The following DST variants were observed in gnomAD, a reference collection of about 807,000 sequenced individuals.
The protein encoded by DST is dystonin.
A neutral mutation model predicts 875.2 loss-of-function variants in DST; 253 were observed. That is an observed-to-expected ratio of 0.29 (90% CI 0.26 to 0.32). The LOEUF is 0.32. Ranked by LOEUF, DST falls within the 10% of genes least tolerant of loss-of-function variation. The pLI, the probability that DST is intolerant of heterozygous loss-of-function variation, is 1.00. For synonymous variants in DST, 3,124 were observed against 3,197.1 expected (o/e 0.98, Z 0.77); for missense variants, 8,287 against 9,111.6 (o/e 0.91, Z 3.68).
chr6:56,882,077 A>G (rs1336279246), intron 3 of DST, among the ~76,000 whole-genome samples: 1 of 152,210 alleles, frequency 6.6e-6, no homozygotes, highest in East Asian at 1.9e-4. Flanking sequence ...TTTATGCTCA[A>G]TAATGTTTAA....
chr6:56,600,694 A>G (rs2152702269), intron 44 of DST, among the ~76,000 whole-genome samples: 1 of 152,190 alleles, frequency 6.6e-6, no homozygotes, highest in East Asian at 1.9e-4. Context: ...TTTTTACTTA[A>G]TCACTATGTC....
intron 4 of DST, among the ~76,000 whole-genome samples, chr6:56,770,829 C>T (rs147744998): frequency 1.9e-3 from 292 of 152,004 alleles, no homozygotes; most frequent in African/African-American, 6.5e-3. Context: ...GGAGAAACCC[C>T]GTCTCTACTA....
chr6:56,925,073 T>C (rs1213470350), intron 2 of DST, among the ~76,000 whole-genome samples: 1 of 152,228 alleles, frequency 6.6e-6, no homozygotes. Context: ...CTGAGTTCTA[T>C]ATGTGGTCAT....
chr6:56,491,707 C>CG (rs1432985039), intron 85 of DST, among the ~76,000 whole-genome samples: 1 of 152,124 alleles, frequency 6.6e-6, no homozygotes, highest in Non-Finnish European at 1.5e-5. Context: ...GGTCTGTCAA[C>CG]AAGTGTTCAA....
chr6:56,865,934 A>G (rs377547286), intron 3 of DST, among the ~76,000 whole-genome samples: 22 of 152,208 alleles, frequency 1.4e-4, no homozygotes, highest in East Asian at 5.8e-4. Context: ...ATATACATAA[A>G]GTACATATAG....
At chr6:56,715,216 C>A (rs528642069) in intron 5 of DST, among the ~76,000 whole-genome samples, 16 of 152,256 alleles carry the variant, frequency 1.1e-4, no homozygotes, top group African/African-American at 3.6e-4. Flanking sequence ...CAAATGACTT[C>A]CTAGCAGGGG....
At chr6:56,502,485 A>G (rs1315305438) in intron 78 of DST, among the ~76,000 whole-genome samples, 1 of 152,068 alleles carries the variant, frequency 6.6e-6, no homozygotes, top group African/African-American at 2.4e-5. Context: ...TTTTATCCTT[A>G]ATGTAAGCTA....
At chr6:56,692,669 C>T (rs2099238871) in intron 9 of DST, 4 of 1,289,794 alleles carry the variant, frequency 3.1e-6, no homozygotes, top group Non-Finnish European at 3.0e-6. Flanking sequence ...TTGACATCAT[C>T]TAAATGTTTC....
intron 2 of DST, among the ~76,000 whole-genome samples, chr6:56,945,996 G>T (rs1475352125): frequency 6.6e-6 from 1 of 152,138 alleles, no homozygotes; most frequent in Non-Finnish European, 1.5e-5. Context: ...ACAACCTTGT[G>T]AATATACCAA....
chr6:56,925,577 G>A (rs1401269609), intron 2 of DST, among the ~76,000 whole-genome samples: 2 of 152,144 alleles, frequency 1.3e-5, no homozygotes, highest in African/African-American at 4.8e-5. Flanking sequence ...TAATTTTGGT[G>A]GCTAAAGCAG....
intron 5 of DST, among the ~76,000 whole-genome samples, chr6:56,708,388 T>C (rs2099349615): frequency 6.6e-6 from 1 of 152,204 alleles, no homozygotes; most frequent in African/African-American, 2.4e-5. Flanking sequence ...TTAAGAATTT[T>C]AGAAGAAAAT....
At chr6:56,947,923 C>CCCGATACATACTATGTTTTTTT (rs1820477676) in intron 2 of DST, among the ~76,000 whole-genome samples, 2 of 150,668 alleles carry the variant, frequency 1.3e-5, no homozygotes, top group South Asian at 2.1e-4. Context: ...TAGTACTAAA[C>CCCGATACATACTATGTTTTTTT]CCTATACATA....
At chr6:56,573,210 G>T in intron 51 of DST, 146 bp from the exon 52 acceptor site, 2 of 713,172 alleles carry the variant, frequency 2.8e-6, no homozygotes, top group South Asian at 2.3e-5. Context: ...TGACAAGTTT[G>T]GTCTGTCCCT....
intron 64 of DST, 108 bp from the exon 65 acceptor site, chr6:56,530,241 T>G: frequency 1.3e-6 from 1 of 766,024 alleles, no homozygotes; most frequent in Non-Finnish European, 1.9e-6. Flanking sequence ...CTGTAGAAAC[T>G]ATCTAAGGTT....
chr6:56,519,404 A>G (rs996288327), intron 69 of DST, among the ~76,000 whole-genome samples: 45 of 152,166 alleles, frequency 3.0e-4, no homozygotes, highest in African/African-American at 9.9e-4. Context: ...AAGGTCCCCA[A>G]CACTCTTGCC....
In DST at chr6:56,627,255, G is replaced by A; in HGVS notation, c.4671C>T (p.Ser1557=). The change falls in exon 34 of 104, where the codon AGC becomes AGT. Residue 1557 remains serine, a synonymous_variant. Coordinates refer to ENST00000680361, the MANE Select transcript of DST (RefSeq NM_001374736.1). ...MLVSEIEMKQ[S]KMDECQKYAE... Reference sequence around the variant, plus strand: ...CATATTTTTGACACTCGTCCATTTTGCTCTGTTTCATTTCTATTTCGGACA... The same window carrying A: ...CATATTTTTGACACTCGTCCATTTTACTCTGTTTCATTTCTATTTCGGACA... The A allele has an allele frequency of 6.2e-7, 1 of 1,612,736 alleles. No individual in the cohort carries two copies.
At position 56,590,960 on chromosome 6, in the gene DST, C is replaced by T. The variant is rs149572770; in HGVS notation, c.12903+1222G>A. ...CTTGCCCAGCAGGGTACCTGTTTCC[C>T]GTGCTAACAGCACAATTTTTCGACT... On this transcript the variant is annotated intron_variant, in intron 49 of 103. Coordinates refer to ENST00000680361, the MANE Select transcript of DST (RefSeq NM_001374736.1). Among the ~76,000 whole-genome samples, 10 of 152,322 alleles carry T rather than the reference C, an allele frequency of 6.6e-5. No individual in the cohort carries two copies. In the East Asian group the frequency reaches 1.2e-3, roughly 18 times the overall value.
At chr6:56,720,611 C>A (rs1292757882) in intron 5 of DST, among the ~76,000 whole-genome samples, 1 of 152,022 alleles carries the variant, frequency 6.6e-6, no homozygotes, top group Non-Finnish European at 1.5e-5. Flanking sequence ...CTTGCACCGC[C>A]CTTAATCCAT....
Position 56,492,093 on chromosome 6 carries a change from A to G in DST, c.20757+134T>C, listed in dbSNP as rs1441056062. ...ACTGAGGCCACAGCCCTTTTAGGAA[A>G]GAACCACCATGGCACCATGCCATGA... On this transcript the variant is annotated intron_variant, in intron 85 of 103. Transcript: ENST00000680361. The G allele has an allele frequency of 6.0e-6, 5 of 838,848 alleles. No homozygotes were observed. The African/African-American group carries it at 6.9e-5, about 12-fold the overall frequency. 52.0% of individuals were successfully genotyped at this position (838,848 alleles called of 1,614,324 possible).
Sources: allele counts gnomAD v4.1 joint callset (sites outside exome capture counted in the v4.1 genomes callset), GRCh38; gene constraint gnomAD v4.1.1; transcripts MANE v1.5; gene names NCBI Gene and HGNC (gene_info 2026-07-23, HGNC 2026-07-21).